Variants in FNDC3B observed in about 807,000 individuals in gnomAD.
The protein encoded by FNDC3B is fibronectin type III domain-containing protein 3B.
Under a neutral mutation model 151.5 loss-of-function variants are expected in FNDC3B, and 12 were observed. The ratio of observed to expected loss-of-function variants is 0.08; its 90% confidence interval spans 0.05 to 0.13. FNDC3B has a LOEUF of 0.13. FNDC3B is among the 10% of genes least tolerant of loss of function. The pLI, the probability that FNDC3B is intolerant of heterozygous loss-of-function variation, is 1.00. For missense variants in FNDC3B, 1,214 were observed against 1,505.3 expected (o/e 0.81, Z 3.20); for synonymous variants, 528 against 549.0 (o/e 0.96, Z 0.54).
chr3:172,336,923 C>G (rs1179992573), intron 15 of FNDC3B, among the ~76,000 whole-genome samples: 2 of 142,170 alleles, frequency 1.4e-5, no homozygotes, highest in East Asian at 4.1e-4. Flanking sequence ...AAAAAAAAAA[C>G]AAAAGAATCT....
At chr3:172,245,521 C>T (rs759302048) in intron 4 of FNDC3B, among the ~76,000 whole-genome samples, 6 of 151,830 alleles carry the variant, frequency 4.0e-5, no homozygotes, top group Non-Finnish European at 8.8e-5. Flanking sequence ...TAGGATAATG[C>T]ATGTTTGTGT....
chr3:172,232,779 A>C (rs779153987), intron 4 of FNDC3B, among the ~76,000 whole-genome samples: 32 of 152,212 alleles, frequency 2.1e-4, no homozygotes, highest in Non-Finnish European at 3.5e-4. Flanking sequence ...TTACCTGGAG[A>C]GGCCTTTCTT....
intron 18 of FNDC3B, 61 bp downstream of exon 18, chr3:172,343,177 T>G: frequency 1.1e-6 from 1 of 889,274 alleles, no homozygotes; most frequent in Non-Finnish European, 1.9e-6. Flanking sequence ...TGAAGACTTA[T>G]GCTTTGTAGT....
rs552003913 is a variant in FNDC3B at position 172,290,083 on chromosome 3, G to T, written c.849+4099G>T. ...AGGGAAAGAAGCAGAGCCATGCAAA[G>T]TTGGGAGCACAGTTGTAAAAAGGAT... On this transcript the variant is annotated intron_variant, in intron 7 of 25. Transcript: ENST00000415807. 2.0e-5 allele frequency among the ~76,000 whole-genome samples: 3 copies of T among 152,322 alleles called. No individual in the cohort carries two copies. The South Asian group carries it at 6.2e-4, about 32-fold the overall frequency.
intron 16 of FNDC3B, chr3:172,337,608 G>T: frequency 2.1e-6 from 1 of 477,228 alleles, no homozygotes; most frequent in East Asian, 3.5e-5. Context: ...TTACATTTGT[G>T]TTATTTAACA....
chr3:172,291,671 A>G (rs1441817959), intron 7 of FNDC3B, among the ~76,000 whole-genome samples: 1 of 152,324 alleles, frequency 6.6e-6, no homozygotes, highest in Non-Finnish European at 1.5e-5. Context: ...TACCCCTTTT[A>G]TCACCATTAC....
intron 3 of FNDC3B, among the ~76,000 whole-genome samples, chr3:172,146,369 G>A (rs1021096575): frequency 6.6e-6 from 1 of 152,106 alleles, no homozygotes; most frequent in African/African-American, 2.4e-5. Flanking sequence ...ATATCCTTTT[G>A]CACATCAGAA....
intron 7 of FNDC3B, 60 bp from the exon 8 acceptor site, chr3:172,295,303 A>G (rs1730547468): frequency 6.6e-7 from 1 of 1,516,016 alleles, no homozygotes. Context: ...TGCCACTACT[A>G]ATAATTCTGA....
At chr3:172,113,524 CA>C (rs558393927) in intron 2 of FNDC3B, among the ~76,000 whole-genome samples, 143 of 152,270 alleles carry the variant, frequency 9.4e-4, no homozygotes, top group Non-Finnish European at 1.7e-3. Flanking sequence ...ATTGTACTAT[CA>C]ACCTCTTAAG....
chr3:172,346,534 A>C (rs1733623194), intron 20 of FNDC3B, 94 bp downstream of exon 20: 3 of 683,914 alleles, frequency 4.4e-6, no homozygotes, highest in Non-Finnish European at 7.3e-6. Context: ...TCCAAAATGC[A>C]CATATAGATG....
intron 11 of FNDC3B, among the ~76,000 whole-genome samples, chr3:172,322,297 G>C (rs999124958): frequency 6.6e-6 from 1 of 152,288 alleles, no homozygotes; most frequent in East Asian, 1.9e-4. Flanking sequence ...ACATGGCCTG[G>C]GGTTCCCACA....
At chr3:172,126,776 A>T (rs1023327054) in intron 2 of FNDC3B, among the ~76,000 whole-genome samples, 3 of 152,202 alleles carry the variant, frequency 2.0e-5, no homozygotes, top group African/African-American at 7.2e-5. Context: ...TGGACTTCTG[A>T]GCCCTTAATA....
rs397991660 is a variant in FNDC3B at position 172,050,733 on chromosome 3, G to GTGTGTGTGTA, written c.-29+10963_-29+10964insGTGTGTGTAT. 5.8e-5 allele frequency among the ~76,000 whole-genome samples: 8 copies of GTGTGTGTGTA among 137,932 alleles called. No homozygotes were observed. In the East Asian group the frequency reaches 8.5e-4, roughly 15 times the overall value. The allele number at this position is 137,932 out of a possible 152,430, so 90.5% of individuals were successfully genotyped here. A position where few individuals can be genotyped will look rare whatever the true frequency, so the allele number is the denominator to read the frequency against. ...TGTGTGTGTGTGTGTGTGTGTGTGT[G>GTGTGTGTGTA]TATAGTGTGTATATATACTATATAT... On this transcript the variant is annotated intron_variant, in intron 1 of 25. Coordinates refer to ENST00000415807, the MANE Select transcript of FNDC3B (RefSeq NM_022763.4).
In FNDC3B at chr3:172,171,173, A is replaced by G. The variant is rs144389341; in HGVS notation, c.187+37627A>G. ...TCAAACTGAAGTTGCTCCTTTATTT[A>G]GAAAACAAAGCAACATGCCAGACAA... is the stretch of plus-strand genomic sequence containing the variant. On this transcript the variant is annotated intron_variant, in intron 3 of 25. Coordinates refer to ENST00000415807, the MANE Select transcript of FNDC3B (RefSeq NM_022763.4). Among the ~76,000 whole-genome samples the G allele has an allele frequency of 2.9e-3, 442 of 152,360 alleles. 4 individuals are homozygous for G. The highest frequency in any genetic ancestry group is 0.01 in the African/African-American group (428 of 41,580).
At chr3:172,163,486 G>C (rs1722876130) in intron 3 of FNDC3B, among the ~76,000 whole-genome samples, 2 of 151,826 alleles carry the variant, frequency 1.3e-5, no homozygotes, top group Non-Finnish European at 1.5e-5. Flanking sequence ...TAGTTTTACT[G>C]TATGTACAAA....
At chr3:172,290,978 A>G (rs935894461) in intron 7 of FNDC3B, among the ~76,000 whole-genome samples, 17 of 152,352 alleles carry the variant, frequency 1.1e-4, no homozygotes, top group Admixed American at 2.0e-4. Context: ...GAAGCTACCA[A>G]TGTACAAGGA....
intron 3 of FNDC3B, among the ~76,000 whole-genome samples, chr3:172,160,926 A>G (rs1722734872): frequency 2.6e-5 from 4 of 152,346 alleles, no homozygotes; most frequent in African/African-American, 9.6e-5. Context: ...TCCAATGTGC[A>G]TAGTATATAT....
At chr3:172,250,983 A>G (rs1391954851) in intron 5 of FNDC3B, among the ~76,000 whole-genome samples, 1 of 151,908 alleles carries the variant, frequency 6.6e-6, no homozygotes, top group African/African-American at 2.4e-5. Flanking sequence ...CGCCTGGCTA[A>G]TTTTTTGTAT....
intron 25 of FNDC3B, among the ~76,000 whole-genome samples, chr3:172,392,232 C>G (rs765457978): frequency 9.2e-5 from 14 of 152,274 alleles, no homozygotes; most frequent in Non-Finnish European, 1.5e-4. Context: ...CTTAGTTGCT[C>G]CAGCCTAGCT....
Sources: gnomAD v4.1 joint callset for allele counts (sites outside exome capture counted in the v4.1 genomes callset) on GRCh38, gnomAD v4.1.1 for gene constraint, MANE v1.5 for transcripts, NCBI Gene and HGNC (gene_info 2026-07-23, HGNC 2026-07-21) for gene names.